Variants in ERBB4 observed in about 807,000 individuals in gnomAD.
The protein encoded by ERBB4 is receptor tyrosine-protein kinase erbB-4.
In ERBB4, 42 loss-of-function variants were observed where a neutral mutation model predicts 158.0. The observed-to-expected ratio is 0.27, with a 90% CI of 0.21 to 0.34. The LOEUF (loss-of-function observed/expected upper bound fraction) is 0.34. Ranked by LOEUF, ERBB4 falls within the 10% of genes least tolerant of loss-of-function variation. ERBB4 has a pLI of 1.00. For synonymous variants in ERBB4, 583 were observed against 558.7 expected (o/e 1.04, Z -0.61); for missense variants, 1,333 against 1,624.1 (o/e 0.82, Z 3.08).
chr2:211,922,969 A>G (rs1205302380), intron 3 of ERBB4, among the ~76,000 whole-genome samples: 2 of 152,174 alleles, frequency 1.3e-5, no homozygotes, highest in Admixed American at 6.6e-5. Context: ...ATAACAATAG[A>G]TGAAGTGGTT....
intron 1 of ERBB4, among the ~76,000 whole-genome samples, chr2:212,373,914 TCC>T (rs1480281156): frequency 2.2e-5 from 2 of 91,992 alleles, no homozygotes; most frequent in African/African-American, 1.1e-4. Context: ...CATGTATATA[TCC>T]ATATATATAT....
At chr2:211,934,581 A>T (rs1252992702) in intron 3 of ERBB4, among the ~76,000 whole-genome samples, 5 of 151,940 alleles carry the variant, frequency 3.3e-5, no homozygotes, top group Non-Finnish European at 7.4e-5. Context: ...ATCCACAAAA[A>T]ATTCTCTAAA....
At chr2:211,940,999 G>A (rs1224789311) in intron 3 of ERBB4, among the ~76,000 whole-genome samples, 1 of 151,910 alleles carries the variant, frequency 6.6e-6, no homozygotes, top group Non-Finnish European at 1.5e-5. Context: ...TGTTTCTATC[G>A]ACTGGTATTA....
At chr2:212,172,101 C>A (rs1465367155) in intron 1 of ERBB4, among the ~76,000 whole-genome samples, 1 of 151,910 alleles carries the variant, frequency 6.6e-6, no homozygotes, top group Non-Finnish European at 1.5e-5. Context: ...AAAAAGTGAG[C>A]AAAGGACATG....
At chr2:212,458,721 G>T (rs536659048) in intron 1 of ERBB4, among the ~76,000 whole-genome samples, 1 of 152,216 alleles carries the variant, frequency 6.6e-6, no homozygotes, top group African/African-American at 2.4e-5. Context: ...AAGGGTTCCA[G>T]ACAGAAACTA....
At chr2:211,388,997 ACTAAAATAAACCT>A (rs2062744714) in intron 25 of ERBB4, among the ~76,000 whole-genome samples, 1 of 152,210 alleles carries the variant, frequency 6.6e-6, no homozygotes, top group Non-Finnish European at 1.5e-5. Context: ...AACAGAGATG[ACTAAAATAAACCT>A]CTAAGATACC....
At chr2:211,643,399 C>T (rs1301425034) in intron 16 of ERBB4, among the ~76,000 whole-genome samples, 1 of 152,046 alleles carries the variant, frequency 6.6e-6, no homozygotes, top group African/African-American at 2.4e-5. Context: ...CCCATGGCAA[C>T]AGCTATGCCA....
chr2:212,075,460 G>C (rs547436373), intron 2 of ERBB4, among the ~76,000 whole-genome samples: 2 of 151,736 alleles, frequency 1.3e-5, no homozygotes, highest in Non-Finnish European at 1.5e-5. Flanking sequence ...AGCATTTCTC[G>C]GAATGGCTGG....
At chr2:211,766,765 C>A (rs930937992) in intron 4 of ERBB4, among the ~76,000 whole-genome samples, 1 of 152,062 alleles carries the variant, frequency 6.6e-6, no homozygotes, top group Non-Finnish European at 1.5e-5. Flanking sequence ...AAAGGAAAAC[C>A]CCACCTCTCC....
At chr2:212,209,727 T>C (rs1309317350) in intron 1 of ERBB4, among the ~76,000 whole-genome samples, 2 of 152,128 alleles carry the variant, frequency 1.3e-5, no homozygotes, top group Non-Finnish European at 2.9e-5. Context: ...ACTAATCCAA[T>C]AGGCTGGTTT....
At chr2:211,532,122 G>T (rs747439610) in intron 20 of ERBB4, among the ~76,000 whole-genome samples, 5 of 150,204 alleles carry the variant, frequency 3.3e-5, no homozygotes, top group Non-Finnish European at 7.4e-5. Flanking sequence ...GAGAGTAGAA[G>T]AATTGTCACC....
At chr2:212,288,109 A>C (rs2106170694) in intron 1 of ERBB4, among the ~76,000 whole-genome samples, 1 of 152,264 alleles carries the variant, frequency 6.6e-6, no homozygotes, top group South Asian at 2.1e-4. Flanking sequence ...ATCAGAGTTG[A>C]GATTTTAAGA....
At chr2:211,544,988 A>G (rs2066905076) in intron 20 of ERBB4, among the ~76,000 whole-genome samples, 1 of 152,048 alleles carries the variant, frequency 6.6e-6, no homozygotes, top group Non-Finnish European at 1.5e-5. Flanking sequence ...CAGGGGCTAG[A>G]AGGAATTCAT....
chr2:212,126,316 T>G (rs2079925655), intron 1 of ERBB4, among the ~76,000 whole-genome samples: 1 of 151,850 alleles, frequency 6.6e-6, no homozygotes. Context: ...AAAAATTAGC[T>G]GGGCGTGGTA....
intron 2 of ERBB4, among the ~76,000 whole-genome samples, chr2:211,982,717 T>C (rs1348140142): frequency 6.6e-6 from 1 of 152,218 alleles, no homozygotes; most frequent in African/African-American, 2.4e-5. Context: ...CAGGCTGTTT[T>C]GCCACTTCAT....
At chr2:212,457,281 T>C (rs934808489) in intron 1 of ERBB4, among the ~76,000 whole-genome samples, 1 of 152,044 alleles carries the variant, frequency 6.6e-6, no homozygotes. Flanking sequence ...TTTAGGATTT[T>C]TGAGATTCCC....
chr2:212,386,772 A>G (rs1339982303), intron 1 of ERBB4, among the ~76,000 whole-genome samples: 1 of 151,990 alleles, frequency 6.6e-6, no homozygotes, highest in Non-Finnish European at 1.5e-5. Flanking sequence ...GAATTAAGTT[A>G]CCACCCTTTA....
intron 1 of ERBB4, among the ~76,000 whole-genome samples, chr2:212,192,125 T>C (rs2082289979): frequency 1.9e-5 from 2 of 103,464 alleles, no homozygotes; most frequent in East Asian, 5.5e-4. Flanking sequence ...ATATATATTA[T>C]GTGTTATGTT....
chr2:211,516,318 T>C (rs2066031232), intron 20 of ERBB4, among the ~76,000 whole-genome samples: 1 of 151,654 alleles, frequency 6.6e-6, no homozygotes, highest in Non-Finnish European at 1.5e-5. Flanking sequence ...TAAAACTTTA[T>C]TTCTTCCCTT....
Sources: allele counts gnomAD v4.1 joint callset (sites outside exome capture counted in the v4.1 genomes callset), GRCh38; gene constraint gnomAD v4.1.1; transcripts MANE v1.5; gene names NCBI Gene and HGNC (gene_info 2026-07-23, HGNC 2026-07-21).